EYA2: variants seen among roughly 807,000 people sequenced by gnomAD.
EYA2 encodes the protein EYA transcriptional coactivator and phosphatase 2.
Under a neutral mutation model 69.2 loss-of-function variants are expected in EYA2, and 31 were observed. The ratio of observed to expected loss-of-function variants is 0.45; its 90% CI spans 0.34 to 0.60. EYA2 has a LOEUF of 0.60. Among genes scored for constraint, EYA2 ranks in the 20% least tolerant of loss-of-function variants. The pLI, the probability that EYA2 is intolerant of heterozygous loss-of-function variation, is 0.02. For missense variants in EYA2, 622 were observed against 701.2 expected (o/e 0.89, Z 1.28); for synonymous variants, 257 against 279.4 (o/e 0.92, Z 0.80).
At chr20:47,154,661 G>A (rs902532489) in intron 10 of EYA2, among the ~76,000 whole-genome samples, 1 of 151,970 alleles carries the variant, frequency 6.6e-6, no homozygotes, top group Non-Finnish European at 1.5e-5. Context: ...CTCAAAGGAA[G>A]AAAAGAAAGT....
At chr20:46,929,943 A>G (rs1985594541) in intron 1 of EYA2, among the ~76,000 whole-genome samples, 1 of 152,212 alleles carries the variant, frequency 6.6e-6, no homozygotes, top group African/African-American at 2.4e-5. Flanking sequence ...CCTCTGTAAA[A>G]GCCTGGAAAT....
intron 8 of EYA2, among the ~76,000 whole-genome samples, chr20:47,096,757 T>G (rs2032258069): frequency 6.6e-6 from 1 of 152,240 alleles, no homozygotes; most frequent in Admixed American, 6.5e-5. Context: ...AATGGTGGTA[T>G]TTCATTTTGT....
chr20:46,957,385 CTG>C lies in EYA2; in HGVS notation c.-10-32614_-10-32613del, dbSNP rs373743736. On this transcript the variant is annotated intron_variant, in intron 1 of 15. Coordinates refer to ENST00000327619, the MANE Select transcript of EYA2 (RefSeq NM_005244.5). ...GATGTCAGGTTCTTATCACTGGAAA[CTG>C]TACATGTCACCTTATGTGGCAAAAA... Among the ~76,000 whole-genome samples, 414 of 152,318 alleles carry C rather than the reference CTG, an allele frequency of 2.7e-3. 1 individual carries two copies. The highest frequency in any genetic ancestry group is 9.6e-3 in the African/African-American group (398 of 41,568).
chr20:47,051,127 G>A (rs1347314199), intron 5 of EYA2, among the ~76,000 whole-genome samples: 4 of 152,278 alleles, frequency 2.6e-5, no homozygotes, highest in Non-Finnish European at 5.9e-5. Context: ...GCCCTGGGGC[G>A]AGACCCTAGC....
chr20:46,923,179 G>A (rs1396744248), intron 1 of EYA2, among the ~76,000 whole-genome samples: 3 of 152,094 alleles, frequency 2.0e-5, no homozygotes, highest in Non-Finnish European at 4.4e-5. Flanking sequence ...ACCAGCCTGG[G>A]CAACATGGTG....
chr20:46,930,439 G>GT (rs1266384843), intron 1 of EYA2, among the ~76,000 whole-genome samples: 2 of 152,048 alleles, frequency 1.3e-5, no homozygotes, highest in East Asian at 1.9e-4. Flanking sequence ...TGAATTTCAG[G>GT]TTTTTTTGAC....
At chr20:47,026,450 TG>T (rs1384516091) in intron 5 of EYA2, among the ~76,000 whole-genome samples, 1 of 151,616 alleles carries the variant, frequency 6.6e-6, no homozygotes, top group East Asian at 1.9e-4. Context: ...TTTTCTTTTT[TG>T]GCACGGCAAA....
chr20:47,028,006 T>C (rs1433122305), intron 5 of EYA2, among the ~76,000 whole-genome samples: 1 of 152,210 alleles, frequency 6.6e-6, no homozygotes, highest in Non-Finnish European at 1.5e-5. Context: ...GTTTTGGTGA[T>C]GAGGCCTTTG....
At chr20:47,183,695 C>T (rs1417709737) in intron 15 of EYA2, among the ~76,000 whole-genome samples, 8 of 152,302 alleles carry the variant, frequency 5.3e-5, no homozygotes, top group Admixed American at 3.9e-4. Context: ...AGTGCACGTG[C>T]ATGTGTTTTA....
At chr20:46,898,211 T>A (rs1408088846) in intron 1 of EYA2, among the ~76,000 whole-genome samples, 2 of 151,952 alleles carry the variant, frequency 1.3e-5, no homozygotes, top group Non-Finnish European at 2.9e-5. Context: ...AAGACTGGGT[T>A]TTGTTGGTGG....
intron 9 of EYA2, among the ~76,000 whole-genome samples, chr20:47,107,725 GAAGAA>G (rs1185473051): frequency 7.2e-6 from 1 of 139,192 alleles, no homozygotes; most frequent in Non-Finnish European, 1.6e-5. Context: ...AGAAGAAGAA[GAAGAA>G]AAGAAAAAGA....
intron 9 of EYA2, among the ~76,000 whole-genome samples, chr20:47,120,658 C>G (rs1357330145): frequency 6.6e-6 from 1 of 152,268 alleles, no homozygotes; most frequent in East Asian, 1.9e-4. Context: ...TGGAACAAGT[C>G]AGTTTTTTCC....
intron 1 of EYA2, among the ~76,000 whole-genome samples, chr20:46,912,793 C>T (rs1015469782): frequency 6.6e-6 from 1 of 150,914 alleles, no homozygotes; most frequent in African/African-American, 2.4e-5. Flanking sequence ...CTCCGCTTCC[C>T]GGGTTCACGC....
intron 5 of EYA2, among the ~76,000 whole-genome samples, chr20:47,071,448 C>G (rs531625604): frequency 9.9e-5 from 15 of 152,244 alleles, no homozygotes; most frequent in African/African-American, 3.6e-4. Context: ...GCAAATGGCA[C>G]AGCCACTTTG....
intron 5 of EYA2, among the ~76,000 whole-genome samples, chr20:47,067,599 A>T (rs1019826250): frequency 6.6e-6 from 1 of 152,208 alleles, no homozygotes; most frequent in African/African-American, 2.4e-5. Context: ...AAAATTAAAA[A>T]TTTTTAAATT....
intron 5 of EYA2, among the ~76,000 whole-genome samples, chr20:47,052,498 G>A (rs542790446): frequency 6.6e-6 from 1 of 152,232 alleles, no homozygotes; most frequent in Non-Finnish European, 1.5e-5. Context: ...ACCCCAAGCC[G>A]ACCTTTGTTA....
chr20:46,954,292 G>C (rs543921480), intron 1 of EYA2, among the ~76,000 whole-genome samples: 1 of 152,138 alleles, frequency 6.6e-6, no homozygotes, highest in Non-Finnish European at 1.5e-5. Flanking sequence ...GCTGTTCCAT[G>C]CCTCACTCCT....
intron 1 of EYA2, among the ~76,000 whole-genome samples, chr20:46,957,529 TCACACACACACACACACA>T (rs74176892): frequency 1.0e-4 from 2 of 20,000 alleles, no homozygotes; most frequent in South Asian, 1.0e-3. Context: ...GAAGGAGATT[TCACACACACACACACACA>T]CACACACACA....
chr20:47,027,117 C>G (rs901891547), intron 5 of EYA2, among the ~76,000 whole-genome samples: 4 of 152,192 alleles, frequency 2.6e-5, no homozygotes, highest in African/African-American at 9.6e-5. Context: ...CCACCTCTGG[C>G]TTATTTCATC....
Sources: gnomAD v4.1 joint callset for allele counts (sites outside exome capture counted in the v4.1 genomes callset) on GRCh38, gnomAD v4.1.1 for gene constraint, MANE v1.5 for transcripts, NCBI Gene and HGNC (gene_info 2026-07-23, HGNC 2026-07-21) for gene names.